Variants in OSMR observed in about 807,000 individuals in gnomAD.
OSMR encodes oncostatin M receptor.
OSMR carries 81 observed loss-of-function variants against 99.9 expected under a neutral mutation model. That is an observed-to-expected ratio of 0.81 (90% CI 0.68 to 0.97). The LOEUF (loss-of-function observed/expected upper bound fraction) is 0.97, where lower values mean the gene tolerates loss of function less well. Among genes scored for constraint, OSMR ranks in the 50% least tolerant of loss-of-function variants. OSMR has a pLI of 0.00. For synonymous variants in OSMR, 406 were observed against 410.4 expected (o/e 0.99, Z 0.13); for missense variants, 1,099 against 1,153.4 (o/e 0.95, Z 0.68).
chr5:38,943,157 G>GTTT, intron 1 of OSMR: 3 of 305,980 alleles, frequency 9.8e-6, no homozygotes, highest in South Asian at 7.8e-5. Flanking sequence ...TCTGAGTTTG[G>GTTT]GTTTTTTTTT....
chr5:38,859,665 T>C (rs1041466891), intron 1 of OSMR, among the ~76,000 whole-genome samples: 2 of 152,228 alleles, frequency 1.3e-5, no homozygotes, highest in East Asian at 1.9e-4. Flanking sequence ...AGGGATTGCA[T>C]TGAATCTGTA....
chr5:38,881,121 G>A (rs1743250228), intron 3 of OSMR, among the ~76,000 whole-genome samples: 1 of 152,128 alleles, frequency 6.6e-6, no homozygotes, highest in Admixed American at 6.5e-5. Flanking sequence ...ATGAAAGACT[G>A]CTTTCTTGAC....
At chr5:38,940,130 T>TAAAAAAAAAAAA (rs1554057737), downstream of OSMR, 24 of 80,388 alleles carry the variant, frequency 3.0e-4, no homozygotes, top group African/African-American at 1.3e-3. Flanking sequence ...AAAGTAACAG[T>TAAAAAAAAAAAA]AAAAAAAAAA....
downstream of OSMR, among the ~76,000 whole-genome samples, chr5:38,936,967 C>T (rs1292490344): frequency 6.6e-6 from 1 of 152,166 alleles, no homozygotes; most frequent in Non-Finnish European, 1.5e-5. Flanking sequence ...TTTCCAAGTT[C>T]AGCTACATTA....
chr5:38,876,381 A>AT lies in OSMR; in HGVS notation c.246+15dup. On this transcript the variant is annotated intron_variant, in intron 3 of 17. Coordinates refer to ENST00000274276, the MANE Select transcript of OSMR (RefSeq NM_003999.3). ...TCCAATGTCATCTGGGTGGTAAGTA[A>AT]TTTTTTTGGCTCAATATTTAAAAAA... The AT allele has an allele frequency of 6.2e-7, 1 of 1,610,016 alleles. No homozygotes were observed. Among genetic ancestry groups the AT allele is most frequent in the South Asian group, 1.1e-5 (1 of 90,590 alleles).
At chr5:38,908,518 T>C (rs1227215913) in intron 9 of OSMR, among the ~76,000 whole-genome samples, 3 of 152,234 alleles carry the variant, frequency 2.0e-5, no homozygotes, top group African/African-American at 7.2e-5. Flanking sequence ...ATTGGAGTTT[T>C]GTGGCCAGCA....
intron 10 of OSMR, among the ~76,000 whole-genome samples, chr5:38,918,191 C>T (rs913193149): frequency 6.6e-6 from 1 of 151,762 alleles, no homozygotes; most frequent in Non-Finnish European, 1.5e-5. Context: ...TCTCTGTGCA[C>T]AGACGTGTGG....
chr5:38,913,307 T>C (rs1009451285), intron 9 of OSMR, among the ~76,000 whole-genome samples: 1 of 151,934 alleles, frequency 6.6e-6, no homozygotes, highest in Non-Finnish European at 1.5e-5. Context: ...CCCAGCACTT[T>C]GGGAGGCCGA....
At chr5:38,868,966 C>T in intron 1 of OSMR, 66 bp from the exon 2 acceptor site, 9 of 1,570,438 alleles carry the variant, frequency 5.7e-6, no homozygotes, top group African/African-American at 1.4e-5. Context: ...CCACAATTGG[C>T]TCGAAGAAAT....
intron 7 of OSMR, among the ~76,000 whole-genome samples, chr5:38,889,428 G>GT (rs999023117): frequency 1.1e-4 from 16 of 151,596 alleles, no homozygotes; most frequent in African/African-American, 3.4e-4. Context: ...TATCTGTTGT[G>GT]TTTTTTTGCT....
chr5:38,870,866 T>G (rs1461475742), intron 2 of OSMR, among the ~76,000 whole-genome samples: 2 of 152,318 alleles, frequency 1.3e-5, no homozygotes, highest in East Asian at 3.9e-4. Context: ...GGAGAGAGTT[T>G]CACAGTGGGC....
At chr5:38,943,157 G>GTT (rs371095614) in intron 1 of OSMR, 83 of 305,912 alleles carry the variant, frequency 2.7e-4, no homozygotes, top group African/African-American at 5.1e-4. Flanking sequence ...TCTGAGTTTG[G>GTT]GTTTTTTTTT....
chr5:38,934,612 C>T lies in OSMR; in HGVS notation c.*1168C>T, dbSNP rs1035532542. ...GCCTCCTAGATTCAAACAAACAGTT[C>T]TCCTGCCCCAGCCTCCAGAGCACCT... On this transcript the variant is annotated 3_prime_UTR_variant, in exon 18 of 18. Transcript: ENST00000274276. 7 of 152,022 alleles carry T rather than the reference C, an allele frequency of 4.6e-5. No homozygotes were observed. The highest frequency in any genetic ancestry group is 1.7e-4 in the African/African-American group (7 of 41,364). The allele number at this position is 152,022 out of a possible 1,614,324, so 9.4% of individuals were successfully genotyped here. A position where few individuals can be genotyped will look rare whatever the true frequency, so the allele number is the denominator to read the frequency against.
chr5:38,915,793 A>G (rs1345459343), intron 9 of OSMR, among the ~76,000 whole-genome samples: 1 of 152,210 alleles, frequency 6.6e-6, no homozygotes, highest in Non-Finnish European at 1.5e-5. Flanking sequence ...CAGAAAGCTG[A>G]AGCAGCACGT....
chr5:38,922,633 T>G (rs900506002), intron 12 of OSMR, among the ~76,000 whole-genome samples: 1 of 152,126 alleles, frequency 6.6e-6, no homozygotes, highest in Non-Finnish European at 1.5e-5. Context: ...CCTGCAGGCT[T>G]TGCTGGAGAC....
chr5:38,938,184 C>T (rs1480435574), downstream of OSMR: 2 of 221,092 alleles, frequency 9.0e-6, no homozygotes, highest in African/African-American at 4.5e-5. Context: ...ATTTCAATGT[C>T]TGTTCAGTGA....
intron 1 of OSMR, among the ~76,000 whole-genome samples, chr5:38,866,731 G>A (rs1741980668): frequency 6.6e-6 from 1 of 151,868 alleles, no homozygotes; most frequent in South Asian, 2.1e-4. Flanking sequence ...GAGGGGGCGG[G>A]GACCCCACAC....
chr5:38,905,098 A>C (rs191901862), intron 9 of OSMR, among the ~76,000 whole-genome samples: 64 of 152,262 alleles, frequency 4.2e-4, no homozygotes, highest in African/African-American at 1.4e-3. Flanking sequence ...CTCCAACTCA[A>C]TGTCATAAAG....
Position 38,908,056 on chromosome 5 carries a change from C to T in OSMR, c.1285+3553C>T, listed in dbSNP as rs147590242. On this transcript the variant is annotated intron_variant, in intron 9 of 17. Transcript: ENST00000274276. Reference sequence around the variant, plus strand: ...GGCCCCACAACCCCCCCAACACCATCACTGGCACAAATGCATGCACAGACA... The same window carrying T: ...GGCCCCACAACCCCCCCAACACCATTACTGGCACAAATGCATGCACAGACA... Among the ~76,000 whole-genome samples, 4 of 152,272 alleles carry T rather than the reference C, an allele frequency of 2.6e-5. No individual in the cohort carries two copies. In the South Asian group the frequency reaches 6.2e-4, roughly 24 times the overall value.
Sources: allele counts gnomAD v4.1 joint callset (sites outside exome capture counted in the v4.1 genomes callset), GRCh38; gene constraint gnomAD v4.1.1; transcripts MANE v1.5; gene names NCBI Gene and HGNC (gene_info 2026-07-23, HGNC 2026-07-21).